MYO18B: variants seen among roughly 807,000 people sequenced by gnomAD.
MYO18B encodes unconventional myosin-XVIIIb.
Under a neutral mutation model 273.0 loss-of-function variants are expected in MYO18B, and 204 were observed. That is an observed-to-expected ratio of 0.75 (90% CI 0.67 to 0.84). The LOEUF (loss-of-function observed/expected upper bound fraction) is 0.84. Among genes scored for constraint, MYO18B ranks in the 40% least tolerant of loss-of-function variants. MYO18B has a pLI of 0.00. For synonymous variants in MYO18B, 1,330 were observed against 1,305.7 expected (o/e 1.02, Z -0.40); for missense variants, 3,212 against 3,287.6 (o/e 0.98, Z 0.56).
Position 25,963,178 on chromosome 22 carries a change from T to TCTCTCACACACACA in MYO18B, c.6156+7815_6156+7816insTCTCACACACACAC, listed in dbSNP as rs774304270. Among the ~76,000 whole-genome samples, 126 of 144,174 alleles carry TCTCTCACACACACA rather than the reference T, an allele frequency of 8.7e-4. 1 individual carries two copies. Among genetic ancestry groups the TCTCTCACACACACA allele is most frequent in the Middle Eastern group, 3.5e-3 (1 of 284 alleles). 94.6% of individuals were successfully genotyped at this position (144,174 alleles called of 152,430 possible). A position where few individuals can be genotyped will look rare whatever the true frequency, so the allele number is the denominator to read the frequency against. ...TCTTTCTCCTCTCTCTCTCTCTCTC[T>TCTCTCACACACACA]CACACACACACACACACACACACAC... On this transcript the variant is annotated intron_variant, in intron 39 of 43. Coordinates refer to ENST00000335473, the MANE Select transcript of MYO18B (RefSeq NM_032608.7).
chr22:25,837,798 G>A lies in MYO18B; in HGVS notation c.3208+2355G>A, dbSNP rs542221490. On this transcript the variant is annotated intron_variant, in intron 17 of 43. Transcript: ENST00000335473. Reference sequence around the variant, plus strand: ...GAGCTCGGCTCTGCCAGTGACTGGCGCAGAGCTGACTTCTCTGCCCATCAT... The same window carrying A: ...GAGCTCGGCTCTGCCAGTGACTGGCACAGAGCTGACTTCTCTGCCCATCAT... 4.6e-5 allele frequency among the ~76,000 whole-genome samples: 7 copies of A among 152,324 alleles called. No homozygotes were observed. The South Asian group carries it at 6.2e-4, about 14-fold the overall frequency.
chr22:25,894,374 T>C (rs1024923628), intron 27 of MYO18B, among the ~76,000 whole-genome samples: 4 of 152,226 alleles, frequency 2.6e-5, no homozygotes, highest in Non-Finnish European at 5.9e-5. Context: ...CTATCTTTGG[T>C]CATCCACTTG....
chr22:26,054,410 A>G, the MYO18B span, among the ~76,000 whole-genome samples: 3 of 152,130 alleles, frequency 2.0e-5, no homozygotes, highest in Non-Finnish European at 4.4e-5. Context: ...CATGCCAGAG[A>G]TGTACAATCC....
At chr22:25,855,825 CT>C (rs59922626) in intron 21 of MYO18B, among the ~76,000 whole-genome samples, 2,121 of 141,540 alleles carry the variant, frequency 0.015, 16 homozygotes, top group African/African-American at 0.034. Flanking sequence ...TACTTTCTTT[CT>C]TTTTTTTTTT....
chr22:26,007,350 C>T (rs1367328990), intron 42 of MYO18B, among the ~76,000 whole-genome samples: 13 of 152,154 alleles, frequency 8.5e-5, no homozygotes, highest in Non-Finnish European at 1.9e-4. Context: ...TTACTAATAG[C>T]ACAAAGTAGG....
intron 17 of MYO18B, among the ~76,000 whole-genome samples, chr22:25,837,067 T>C (rs1409425678): frequency 6.6e-6 from 1 of 152,044 alleles, no homozygotes; most frequent in Non-Finnish European, 1.5e-5. Flanking sequence ...CCAGGATATG[T>C]GCTCGCATTC....
intron 13 of MYO18B, among the ~76,000 whole-genome samples, chr22:25,824,825 A>G (rs2089427326): frequency 7.0e-6 from 1 of 142,460 alleles, no homozygotes; most frequent in South Asian, 2.2e-4. Context: ...TTATGCACAC[A>G]TGGTGTGCAC....
intron 2 of MYO18B, among the ~76,000 whole-genome samples, chr22:25,761,335 C>T (rs1053155773): frequency 4.9e-5 from 5 of 101,702 alleles, no homozygotes; most frequent in Admixed American, 4.2e-4. Context: ...ATGGCCATAC[C>T]CTTGACGCCC....
chr22:25,837,398 G>C (rs2089938571), intron 17 of MYO18B, among the ~76,000 whole-genome samples: 1 of 152,190 alleles, frequency 6.6e-6, no homozygotes, highest in Admixed American at 6.5e-5. Flanking sequence ...GGAAGCCACA[G>C]GAGGGATTGA....
intron 11 of MYO18B, among the ~76,000 whole-genome samples, chr22:25,793,628 A>G (rs927704612): frequency 1.3e-5 from 2 of 152,196 alleles, no homozygotes; most frequent in South Asian, 4.1e-4. Context: ...TGCAGAGTCT[A>G]GAGGGCGTCC....
intron 33 of MYO18B, among the ~76,000 whole-genome samples, chr22:25,920,851 G>A (rs901887171): frequency 1.3e-5 from 2 of 152,184 alleles, no homozygotes; most frequent in Non-Finnish European, 2.9e-5. Flanking sequence ...GCTGTCAGCA[G>A]AACCTGGCCA....
intron 42 of MYO18B, among the ~76,000 whole-genome samples, chr22:26,017,896 G>T (rs963301253): frequency 1.3e-5 from 2 of 149,390 alleles, no homozygotes; most frequent in Non-Finnish European, 3.0e-5. Flanking sequence ...TTAACATCTT[G>T]CATTACTCCT....
At chr22:25,961,041 T>TAAGG (rs528882239) in intron 39 of MYO18B, among the ~76,000 whole-genome samples, 45 of 151,312 alleles carry the variant, frequency 3.0e-4, no homozygotes, top group Admixed American at 7.9e-4. Flanking sequence ...AGGAAGGAAT[T>TAAGG]AAGGAAGGAA....
Position 25,860,480 on chromosome 22 carries a change from G to A in MYO18B, c.3886-7840G>A, listed in dbSNP as rs538039475. On this transcript the variant is annotated intron_variant, in intron 21 of 43. Transcript: ENST00000335473. Reference sequence around the variant, plus strand: ...ATCCTTCTCCTCTTCCAATATACATGGTTAAAGCATACATTTTCCTCAAAG... The same window carrying A: ...ATCCTTCTCCTCTTCCAATATACATAGTTAAAGCATACATTTTCCTCAAAG... Among the ~76,000 whole-genome samples, 3 of 152,222 alleles carry A rather than the reference G, an allele frequency of 2.0e-5. No individual in the cohort carries two copies. In the South Asian group the frequency reaches 6.2e-4, roughly 32 times the overall value.
Position 26,026,439 on chromosome 22 carries a change from G to T in MYO18B, c.6471-6G>T. ...TCTACAGACTGCATTTTTCTTCTTG[G>T]CACAGGATAAACGAAGAGGCTGGGG... On this transcript the variant is annotated splice_region_variant and splice_polypyrimidine_tract_variant and intron_variant, in intron 42 of 43. Transcript: ENST00000335473. 1 of 1,595,116 alleles carries T rather than the reference G, an allele frequency of 6.3e-7. No individual in the cohort carries two copies. The highest frequency in any genetic ancestry group is 8.5e-7 in the Non-Finnish European group (1 of 1,170,126).
chr22:25,895,482 T>C, intron 28 of MYO18B: 1 of 572,052 alleles, frequency 1.7e-6, no homozygotes, highest in Non-Finnish European at 3.0e-6. Flanking sequence ...ATGTGGATCT[T>C]CTATCCAGAG....
chr22:25,962,145 C>T (rs930303528), intron 39 of MYO18B, among the ~76,000 whole-genome samples: 3 of 152,166 alleles, frequency 2.0e-5, no homozygotes, highest in African/African-American at 7.2e-5. Flanking sequence ...TAAGACAAGA[C>T]CCCAGTGCCA....
Position 25,997,978 on chromosome 22 carries a change from C to CACGAGAGAGA in MYO18B, c.6288-5287_6288-5286insACGAGAGAGA, listed in dbSNP as rs34431605. Among the ~76,000 whole-genome samples, 557 of 144,584 alleles carry CACGAGAGAGA rather than the reference C, an allele frequency of 3.9e-3. 2 individuals carry two copies. Among genetic ancestry groups the CACGAGAGAGA allele is most frequent in the African/African-American group, 0.013 (501 of 37,886 alleles). 94.9% of individuals were successfully genotyped at this position (144,584 alleles called of 152,430 possible). A position where few individuals can be genotyped will look rare whatever the true frequency, so the allele number is the denominator to read the frequency against. ...ACACAAACACACACACACACACACACGAGAGAGAGAGAGAGAGAGAGAGAT... is the reference window on the plus strand; with the variant it reads ...ACACAAACACACACACACACACACACACGAGAGAGAGAGAGAGAGAGAGAGAGAGAGAGAT... On this transcript the variant is annotated intron_variant, in intron 40 of 43. Transcript: ENST00000335473.
intron 1 of MYO18B, among the ~76,000 whole-genome samples, chr22:25,752,769 A>G (rs1234620709): frequency 2.0e-5 from 3 of 152,192 alleles, no homozygotes; most frequent in African/African-American, 7.2e-5. Context: ...ATGCTTGAGG[A>G]GCCCCTCTCT....
Sources: allele counts gnomAD v4.1 joint callset (sites outside exome capture counted in the v4.1 genomes callset), GRCh38; gene constraint gnomAD v4.1.1; transcripts MANE v1.5; gene names NCBI Gene and HGNC (gene_info 2026-07-23, HGNC 2026-07-21).